Variants in SLC22A25 observed in about 807,000 individuals in gnomAD.
The protein encoded by SLC22A25 is MGI:2442751, MGI:2385316, MGI:3042283, MGI:3645714, MGI:3605624, MGI:2442750.
In SLC22A25, 44 loss-of-function variants were observed where a neutral mutation model predicts 45.9. The observed-to-expected ratio is 0.96, with a 90% CI of 0.75 to 1.23. The LOEUF (loss-of-function observed/expected upper bound fraction) is 1.23. Among genes scored for constraint, SLC22A25 ranks in the 50% most tolerant of loss-of-function variants. The pLI is 0.00. For synonymous variants in SLC22A25, 283 were observed against 238.6 expected, an observed-to-expected ratio of 1.19 and a Z score of -1.72; for missense variants, 800 against 666.4, an observed-to-expected ratio of 1.20 and a Z score of -2.21.
chr11:63,199,215 G>A (rs1038181646), intron 7 of SLC22A25, among the ~76,000 whole-genome samples: 2 of 151,858 alleles, frequency 1.3e-5, no homozygotes, highest in African/African-American at 4.8e-5. Flanking sequence ...AAACATCAAG[G>A]GTGATATTAC....
At chr11:63,196,925 A>G (rs761789892) in intron 7 of SLC22A25, among the ~76,000 whole-genome samples, 7 of 152,190 alleles carry the variant, frequency 4.6e-5, no homozygotes, top group Non-Finnish European at 1.0e-4. Flanking sequence ...TACAAAATCA[A>G]TGTGCAAAAA....
intron 9 of SLC22A25, among the ~76,000 whole-genome samples, chr11:63,170,443 G>C (rs1195198779): frequency 6.6e-6 from 1 of 151,982 alleles, no homozygotes; most frequent in Non-Finnish European, 1.5e-5. Context: ...GAAGAAAAGA[G>C]AGAAGAATAA....
intron 5 of SLC22A25, among the ~76,000 whole-genome samples, chr11:63,222,284 T>C (rs1208295155): frequency 6.6e-6 from 1 of 152,092 alleles, no homozygotes; most frequent in Non-Finnish European, 1.5e-5. Flanking sequence ...CCATTTTTGG[T>C]GTCCCATTCA....
chr11:63,243,449 G>C lies in SLC22A25; in HGVS notation c.-1011C>G, dbSNP rs191253260. On this transcript the variant is annotated 5_prime_UTR_variant, in exon 1 of 12. Coordinates refer to ENST00000306494, the MANE Select transcript of SLC22A25 (RefSeq NM_199352.6). ...CACGATTTACCTGGACTGTTTCTTC[G>C]CCAGGATCCCAACTTCAAAGTCCCA... The C allele has an allele frequency of 4.0e-6, 3 of 755,010 alleles. No individual in the cohort carries two copies. Among genetic ancestry groups the C allele is most frequent in the African/African-American group, 3.4e-5 (2 of 58,548 alleles). 46.8% of individuals were successfully genotyped at this position (755,010 alleles called of 1,614,324 possible). A position where few individuals can be genotyped will look rare whatever the true frequency, so the allele number is the denominator to read the frequency against.
intron 7 of SLC22A25, among the ~76,000 whole-genome samples, chr11:63,193,777 C>A (rs1057339595): frequency 6.6e-6 from 1 of 152,208 alleles, no homozygotes; most frequent in African/African-American, 2.4e-5. Flanking sequence ...CTGCAGCTCC[C>A]TGCCAGCAAT....
chr11:63,231,324 C>T (rs538030515), intron 3 of SLC22A25, among the ~76,000 whole-genome samples: 16 of 152,248 alleles, frequency 1.1e-4, no homozygotes, highest in African/African-American at 3.6e-4. Flanking sequence ...TGTTTCCTGA[C>T]TTTTTAATGA....
At position 63,217,394 on chromosome 11, in the gene SLC22A25, G is replaced by T. The variant is rs373216133; in HGVS notation, c.750C>A (p.Ser250Arg). 1 of 1,613,990 alleles carries T rather than the reference G, an allele frequency of 6.2e-7. No individual in the cohort carries two copies. Among genetic ancestry groups the T allele is most frequent in the African/African-American group, 1.3e-5 (1 of 75,042 alleles). Residue 250 changes from serine to arginine, a missense_variant, in exon 7 of 12, where the codon AGC becomes AGA. Ser to Arg is a moderately radical substitution (Grantham distance 110). Transcript: ENST00000306494. ...AASIGHITLG[S>R]LAFVIRDQCI... Reference sequence around the variant, plus strand: ...ACTGGTCTCGAATGACAAAAGCCAGGCTTCCCAGGGTTATATGTCCAATAC... The same window carrying T: ...ACTGGTCTCGAATGACAAAAGCCAGTCTTCCCAGGGTTATATGTCCAATAC...
Position 63,183,642 on chromosome 11 carries a change from A to T in SLC22A25, c.954+52T>A, listed in dbSNP as rs1051810619. 1.6e-5 allele frequency: 26 copies of T among 1,608,718 alleles called. 1 individual carries two copies. The highest frequency in any genetic ancestry group is 1.3e-4 in the South Asian group (12 of 90,482). ...ACCTTATGAACACCAACAAGTATAG[A>T]TGACAATTTATGTCTTCCCAGCATC... On this transcript the variant is annotated intron_variant, in intron 8 of 11. Transcript: ENST00000306494.
chr11:63,236,574 T>C (rs948937810), intron 3 of SLC22A25, among the ~76,000 whole-genome samples: 4 of 152,186 alleles, frequency 2.6e-5, no homozygotes, highest in Non-Finnish European at 5.9e-5. Context: ...GGGAATTCGC[T>C]GACCCCTTGT....
At chr11:63,173,068 G>A (rs1018394631) in intron 9 of SLC22A25, among the ~76,000 whole-genome samples, 2 of 152,092 alleles carry the variant, frequency 1.3e-5, no homozygotes, top group African/African-American at 2.4e-5. Context: ...GTCCCTAACA[G>A]GGACATGGAT....
At chr11:63,193,521 G>A (rs1009854531) in intron 7 of SLC22A25, among the ~76,000 whole-genome samples, 1 of 152,188 alleles carries the variant, frequency 6.6e-6, no homozygotes, top group East Asian at 1.9e-4. Flanking sequence ...AGGCAAACAG[G>A]GTCTGGAGTG....
chr11:63,235,507 A>G (rs2090147686), intron 3 of SLC22A25, among the ~76,000 whole-genome samples: 1 of 152,142 alleles, frequency 6.6e-6, no homozygotes, highest in African/African-American at 2.4e-5. Flanking sequence ...AGGTCCTTTA[A>G]GGACTTCTCT....
chr11:63,197,812 G>T (rs549546225), intron 7 of SLC22A25, among the ~76,000 whole-genome samples: 18 of 149,914 alleles, frequency 1.2e-4, no homozygotes, highest in African/African-American at 2.8e-4. Flanking sequence ...AGAAAATTTT[G>T]GCAATCTACT....
intron 10 of SLC22A25, among the ~76,000 whole-genome samples, chr11:63,165,487 C>T (rs954200269): frequency 6.6e-6 from 1 of 152,148 alleles, no homozygotes; most frequent in Non-Finnish European, 1.5e-5. Flanking sequence ...CAATTGTCTC[C>T]TTCCTACTGG....
chr11:63,236,795 G>C (rs2090172266), intron 3 of SLC22A25, among the ~76,000 whole-genome samples: 1 of 152,044 alleles, frequency 6.6e-6, no homozygotes, highest in Non-Finnish European at 1.5e-5. Flanking sequence ...GGCCATCTTG[G>C]CTCCACCCCC....
In SLC22A25 at chr11:63,160,365, C is replaced by T. The variant is rs766293256; in HGVS notation, c.*3459G>A. Among the ~76,000 whole-genome samples the T allele has an allele frequency of 6.6e-6, 1 of 152,218 alleles. No individual in the cohort carries two copies. The highest frequency in any genetic ancestry group is 2.4e-5 in the African/African-American group (1 of 41,458). ...GGCCAAGGTACAGATCAGGCTGTGG[C>T]TTCAGAGGGTGCAAGCCCCAAGCCT... On this transcript the variant is annotated 3_prime_UTR_variant, in exon 12 of 12. Coordinates refer to ENST00000306494, the MANE Select transcript of SLC22A25 (RefSeq NM_199352.6).
chr11:63,228,298 A>G (rs1783651), intron 5 of SLC22A25, among the ~76,000 whole-genome samples, 163 bp downstream of exon 5: 2 of 152,222 alleles, frequency 1.3e-5, no homozygotes, highest in Admixed American at 6.5e-5. Context: ...TTTAAAAAAT[A>G]GCACTCACCA....
At position 63,207,011 on chromosome 11, in the gene SLC22A25, AC is replaced by A. The variant is rs527687339; in HGVS notation, c.830+10302del. ...AACCATCTGATCTTTGATAAACCTG[AC>A]AAAAACAAGCAATGGGGAAGGGATT... On this transcript the variant is annotated intron_variant, in intron 7 of 11. Coordinates refer to ENST00000306494, the MANE Select transcript of SLC22A25 (RefSeq NM_199352.6). Among the ~76,000 whole-genome samples the A allele has an allele frequency of 1.4e-4, 22 of 152,330 alleles. 1 individual carries two copies. The South Asian group carries it at 3.9e-3, about 27-fold the overall frequency.
chr11:63,230,825 G>A (rs1042739868), intron 3 of SLC22A25, among the ~76,000 whole-genome samples: 10 of 151,176 alleles, frequency 6.6e-5, no homozygotes, highest in African/African-American at 1.5e-4. Context: ...GACAGGCCCC[G>A]GTGCATGATG....
Sources: allele counts gnomAD v4.1 joint callset (sites outside exome capture counted in the v4.1 genomes callset), GRCh38; gene constraint gnomAD v4.1.1; transcripts MANE v1.5; gene names NCBI Gene and HGNC (gene_info 2026-07-23, HGNC 2026-07-21).